USP13: variants seen among roughly 807,000 people sequenced by gnomAD.
USP13 encodes the protein ubiquitin carboxyl-terminal hydrolase 13.
USP13 carries 68 observed loss-of-function variants against 107.8 expected under a neutral mutation model. That is an observed-to-expected ratio of 0.63 (90% CI 0.52 to 0.77). USP13 has a LOEUF of 0.77. Ranked by LOEUF, USP13 falls within the 30% of genes least tolerant of loss-of-function variation. USP13 has a pLI of 0.00. For missense variants in USP13, 945 were observed against 1,093.3 expected (o/e 0.86, Z 1.91); for synonymous variants, 377 against 389.5 (o/e 0.97, Z 0.38).
rs528822149 is a variant in USP13, at chr3:179,676,143, G to A, written c.169-5735G>A. Among the ~76,000 whole-genome samples the A allele has an allele frequency of 7.6e-4, 115 of 152,270 alleles. 1 individual carries two copies. The highest frequency in any genetic ancestry group is 2.6e-3 in the African/African-American group (110 of 41,554). On this transcript the variant is annotated intron_variant, in intron 1 of 20. Coordinates refer to ENST00000263966, the MANE Select transcript of USP13 (RefSeq NM_003940.3). ...CTTCTCCTTCCAGCCGCCCTGTGAA[G>A]AAGGTGCCTTTCTTTCCCTTCACCT...
At chr3:179,686,952 T>C (rs1489381148) in intron 2 of USP13, among the ~76,000 whole-genome samples, 1 of 152,262 alleles carries the variant, frequency 6.6e-6, no homozygotes, top group African/African-American at 2.4e-5. Context: ...TTTGTTTACC[T>C]CTTAGTTATC....
chr3:179,752,187 TG>T lies in USP13; in HGVS notation c.1710-96del, dbSNP rs376044324. On this transcript the variant is annotated intron_variant, in intron 13 of 20. Transcript: ENST00000263966. ...CTCCTCTTCAGTTCAGCCATTGGAA[TG>T]GCCAGGTGTGCCTCAGACAAAGTTG... 1.9e-5 allele frequency: 19 copies of T among 997,738 alleles called. No individual in the cohort carries two copies. The African/African-American group carries it at 3.0e-4, about 16-fold the overall frequency. The allele number at this position is 997,738 out of a possible 1,614,324, so 61.8% of individuals were successfully genotyped here.
At chr3:179,770,521 G>T (rs1715312055) in intron 19 of USP13, among the ~76,000 whole-genome samples, 1 of 152,078 alleles carries the variant, frequency 6.6e-6, no homozygotes, top group Non-Finnish European at 1.5e-5. Context: ...GAAGATGTGT[G>T]TTCTGTTTAG....
intron 2 of USP13, among the ~76,000 whole-genome samples, chr3:179,685,013 T>C (rs1412772344): frequency 6.6e-6 from 1 of 152,218 alleles, no homozygotes; most frequent in Admixed American, 6.5e-5. Context: ...TGTCCACTGC[T>C]GTGTCCTTAG....
intron 4 of USP13, among the ~76,000 whole-genome samples, chr3:179,702,549 A>G (rs1328035310): frequency 6.6e-6 from 1 of 152,180 alleles, no homozygotes; most frequent in Non-Finnish European, 1.5e-5. Flanking sequence ...AAGAGGGGAC[A>G]TTTGTGCTTG....
intron 3 of USP13, among the ~76,000 whole-genome samples, chr3:179,698,962 TG>T (rs1438253529): frequency 2.6e-5 from 4 of 151,666 alleles, no homozygotes; most frequent in African/African-American, 9.7e-5. Flanking sequence ...CTCCTCCTCC[TG>T]GGTTTAAGCA....
chr3:179,728,489 C>G (rs974396949), intron 8 of USP13, among the ~76,000 whole-genome samples: 120 of 150,554 alleles, frequency 8.0e-4, no homozygotes, highest in South Asian at 4.3e-4. Context: ...ACGCTCCTCA[C>G]TTTCCAGACT....
chr3:179,762,371 A>G (rs910751982), intron 17 of USP13, among the ~76,000 whole-genome samples: 3 of 152,234 alleles, frequency 2.0e-5, no homozygotes, highest in African/African-American at 7.2e-5. Context: ...ATTTGAGGTC[A>G]AGAGTTCAAG....
chr3:179,752,232 A>C (rs1714637964), intron 13 of USP13, 53 bp from the exon 14 acceptor site: 1 of 1,515,930 alleles, frequency 6.6e-7, no homozygotes, highest in Non-Finnish European at 9.1e-7. Context: ...TTTGAACTGT[A>C]TTCACAATTC....
At chr3:179,661,426 T>G (rs1399713554) in intron 1 of USP13, among the ~76,000 whole-genome samples, 1 of 152,104 alleles carries the variant, frequency 6.6e-6, no homozygotes, top group Non-Finnish European at 1.5e-5. Context: ...AAATTAGAGC[T>G]ACTTGAGCTG....
At position 179,655,295 on chromosome 3, in the gene USP13, G is replaced by C. The variant is rs577624024; in HGVS notation, c.168+1902G>C. 3.3e-5 allele frequency among the ~76,000 whole-genome samples: 5 copies of C among 152,254 alleles called. No homozygotes were observed. The East Asian group carries it at 9.6e-4, about 29-fold the overall frequency. ...AGTGGATAACAGGTGTGGGAAAAAA[G>C]GCTGATTGTTTTAATTCATTTCCAC... On this transcript the variant is annotated intron_variant, in intron 1 of 20. Coordinates refer to ENST00000263966, the MANE Select transcript of USP13 (RefSeq NM_003940.3).
chr3:179,675,896 A>C (rs1373708773), intron 1 of USP13, among the ~76,000 whole-genome samples: 1 of 152,066 alleles, frequency 6.6e-6, no homozygotes, highest in African/African-American at 2.4e-5. Flanking sequence ...TTACTTTAAA[A>C]AAAGTTTTAT....
At chr3:179,777,047 C>G (rs1445581188) in intron 19 of USP13, among the ~76,000 whole-genome samples, 5 of 151,844 alleles carry the variant, frequency 3.3e-5, no homozygotes, top group Non-Finnish European at 7.4e-5. Flanking sequence ...TGTTTCCTAG[C>G]AGGAGGTCGT....
chr3:179,731,199 T>C (rs1053258471), intron 10 of USP13, among the ~76,000 whole-genome samples: 6 of 151,984 alleles, frequency 3.9e-5, no homozygotes, highest in African/African-American at 1.5e-4. Context: ...TCACCTGAGG[T>C]TGGGAGTTCG....
At chr3:179,779,719 TAA>T (rs113797839) in intron 19 of USP13, among the ~76,000 whole-genome samples, 66 of 103,810 alleles carry the variant, frequency 6.4e-4, no homozygotes, top group Non-Finnish European at 8.8e-4. Flanking sequence ...AAGGGTTTGT[TAA>T]AAAAAAAAAA....
At position 179,713,541 on chromosome 3, in the gene USP13, C is replaced by T. The variant is rs572431764; in HGVS notation, c.805+4584C>T. On this transcript the variant is annotated intron_variant, in intron 6 of 20. Transcript: ENST00000263966. ...CCTCTGTCTGGGGGTAGCCATCTCT[C>T]GGTGAAGTTTCCACTGCTGAGGGTC... Among the ~76,000 whole-genome samples, 31 of 152,214 alleles carry T rather than the reference C, an allele frequency of 2.0e-4. No individual in the cohort carries two copies. The East Asian group carries it at 3.7e-3, about 18-fold the overall frequency.
At chr3:179,659,067 A>G (rs1456780275) in intron 1 of USP13, among the ~76,000 whole-genome samples, 2 of 152,056 alleles carry the variant, frequency 1.3e-5, no homozygotes, top group Non-Finnish European at 2.9e-5. Context: ...TTTAAGAAGG[A>G]GCTTTTTTCC....
intron 4 of USP13, among the ~76,000 whole-genome samples, chr3:179,702,046 G>A (rs575322034): frequency 8.6e-5 from 13 of 151,690 alleles, no homozygotes; most frequent in African/African-American, 2.9e-4. Flanking sequence ...TTGAGACGGA[G>A]TCTCGCTCTG....
intron 19 of USP13, among the ~76,000 whole-genome samples, chr3:179,768,146 T>TTTTCCATAATGGGCA (rs1422875520): frequency 2.0e-5 from 3 of 152,234 alleles, no homozygotes; most frequent in African/African-American, 7.2e-5. Flanking sequence ...GCTTCATTGA[T>TTTTCCATAATGGGCA]TTTCCATAAT....
Sources: allele counts gnomAD v4.1 joint callset (sites outside exome capture counted in the v4.1 genomes callset), GRCh38; gene constraint gnomAD v4.1.1; transcripts MANE v1.5; gene names NCBI Gene and HGNC (gene_info 2026-07-23, HGNC 2026-07-21).